RPGRIP1L: variants seen among roughly 807,000 people sequenced by gnomAD.
RPGRIP1L encodes RPGRIP1 like.
In RPGRIP1L, 131 loss-of-function variants were observed where a neutral mutation model predicts 160.4. That is an observed-to-expected ratio of 0.82 (90% confidence interval 0.71 to 0.94). RPGRIP1L has a LOEUF of 0.94. Among genes scored for constraint, RPGRIP1L ranks in the 40% least tolerant of loss-of-function variants. RPGRIP1L has a pLI of 0.00. For missense variants in RPGRIP1L, 1,522 were observed against 1,535.8 expected (o/e 0.99, Z 0.15); for synonymous variants, 510 against 515.8 (o/e 0.99, Z 0.15).
At chr16:53,602,230 G>A in intron 26 of RPGRIP1L, 42 bp from the exon 27 acceptor site, 1 of 1,386,182 alleles carries the variant, frequency 7.2e-7, no homozygotes, top group Non-Finnish European at 1.0e-6. Context: ...TCATTCAACA[G>A]ATTTTTCTTT....
chr16:53,653,034 A>T, intron 14 of RPGRIP1L, 47 bp from the exon 15 acceptor site: 1 of 1,509,474 alleles, frequency 6.6e-7, no homozygotes, highest in Non-Finnish European at 9.2e-7. Context: ...TATTGACATG[A>T]GAAAATGAAA....
intron 24 of RPGRIP1L, among the ~76,000 whole-genome samples, chr16:53,615,472 A>ATTTTTTTTT (rs1166401715): frequency 2.7e-5 from 2 of 75,080 alleles, no homozygotes; most frequent in African/African-American, 1.1e-4. Context: ...ATATATATAT[A>ATTTTTTTTT]TTTTTTTTTT....
In RPGRIP1L at chr16:53,652,723, T is replaced by C; in HGVS notation, c.1964A>G (p.Tyr655Cys). Residue 655 changes from tyrosine (Y) to cysteine (C), a missense_variant, in exon 15 of 27, where the codon TAT becomes TGT. Physicochemically the swap from Tyr to Cys is radical, Grantham distance 194. Transcript: ENST00000647211. ...AACAAGATATTGAGAAGTGAAGTTA[T>C]ATTCGGGATGAAGGCCTCGCACTAC... is the stretch of plus-strand genomic sequence containing the variant. ...TPVVRGLHPE[Y>C]NFTSQYLVHV... 5 of 1,614,180 alleles carry C rather than the reference T, an allele frequency of 3.1e-6. No homozygotes were observed. The highest frequency in any genetic ancestry group is 3.4e-6 in the Non-Finnish European group (4 of 1,180,018).
intron 9 of RPGRIP1L, among the ~76,000 whole-genome samples, chr16:53,670,027 T>C (rs150602848): frequency 1.5e-3 from 233 of 152,264 alleles, no homozygotes; most frequent in African/African-American, 5.5e-3. Context: ...ATTTGTATAC[T>C]GACATTTAAA....
In RPGRIP1L at chr16:53,652,939, G is replaced by A. The variant is rs548348340; in HGVS notation, c.1748C>T (p.Pro583Leu). 2 of 1,613,754 alleles carry A rather than the reference G, an allele frequency of 1.2e-6. No individual in the cohort carries two copies. Among genetic ancestry groups the A allele is most frequent in the African/African-American group, 2.7e-5 (2 of 75,016 alleles). The change falls in exon 15 of 27, where the codon CCA becomes CTA. Residue 583 changes from proline (P) to leucine (L), a missense_variant. Coordinates refer to ENST00000647211, the MANE Select transcript of RPGRIP1L (RefSeq NM_015272.5). ...AACAGAGTCATCTGGCATGATTTCT[G>A]GTTTAAATTTGTACTGCTTGGTGCC... is the stretch of plus-strand genomic sequence containing the variant. The part of the protein sequence containing the change: ...AYGTKQYKFK[P>L]EIMPDDSVDE...
At chr16:53,615,413 A>G (rs1964299570) in intron 24 of RPGRIP1L, among the ~76,000 whole-genome samples, 1 of 150,290 alleles carries the variant, frequency 6.7e-6, no homozygotes. Flanking sequence ...TCTGGCAAGT[A>G]AATTCAATTT....
At chr16:53,666,564 CTA>C (rs1555608901) in intron 9 of RPGRIP1L, among the ~76,000 whole-genome samples, 137 of 112,334 alleles carry the variant, frequency 1.2e-3, no homozygotes, top group African/African-American at 5.3e-3. Flanking sequence ...GTGAGTACAT[CTA>C]TGTGTGTGTG....
chr16:53,641,786 T>C (rs990019399), intron 17 of RPGRIP1L, among the ~76,000 whole-genome samples: 1 of 152,200 alleles, frequency 6.6e-6, no homozygotes, highest in East Asian at 1.9e-4. Context: ...CTTAATTCAC[T>C]GAAATTAAAT....
intron 26 of RPGRIP1L, 109 bp downstream of exon 26, chr16:53,605,372 G>A (rs776199193): frequency 1.6e-6 from 2 of 1,237,570 alleles, no homozygotes; most frequent in South Asian, 1.2e-5. Context: ...AAGGATTCAA[G>A]TAACGTGTGA....
intron 4 of RPGRIP1L, among the ~76,000 whole-genome samples, chr16:53,689,090 T>TTATA (rs200206940): frequency 6.7e-6 from 1 of 148,892 alleles, no homozygotes; most frequent in Non-Finnish European, 1.5e-5. Flanking sequence ...TATATATATG[T>TTATA]TATATATATA....
intron 10 of RPGRIP1L, chr16:53,659,580 G>T (rs1000015985): frequency 6.6e-6 from 1 of 152,168 alleles, no homozygotes; most frequent in African/African-American, 2.4e-5. Context: ...ATGCATGGTG[G>T]TATCAATAAT....
At chr16:53,660,257 T>A (rs1967660012) in intron 10 of RPGRIP1L, among the ~76,000 whole-genome samples, 1 of 152,190 alleles carries the variant, frequency 6.6e-6, no homozygotes, top group Admixed American at 6.5e-5. Flanking sequence ...ATCTAAAGTA[T>A]CTCTACCAAT....
intron 11 of RPGRIP1L, 132 bp downstream of exon 11, chr16:53,658,640 A>G: frequency 1.2e-6 from 1 of 839,170 alleles, no homozygotes; most frequent in Non-Finnish European, 2.0e-6. Flanking sequence ...AAACTACCTG[A>G]TAGCATGAGT....
In RPGRIP1L at chr16:53,655,270, T is replaced by G. The variant is rs900076910; in HGVS notation, c.1699+1202A>C. ...ATTTTTTTGTTTTGGAAAATATAACTTAAAAAAGGTACTTTAATTTATGTT... is the reference window on the plus strand; with the variant it reads ...ATTTTTTTGTTTTGGAAAATATAACGTAAAAAAGGTACTTTAATTTATGTT... On this transcript the variant is annotated intron_variant, in intron 14 of 26. Transcript: ENST00000647211. 7.9e-5 allele frequency among the ~76,000 whole-genome samples: 12 copies of G among 152,316 alleles called. 2 individuals are homozygous for G. The South Asian group carries it at 2.5e-3, about 32-fold the overall frequency.
In RPGRIP1L at chr16:53,658,833, T is replaced by G; in HGVS notation, c.1289A>C (p.Gln430Pro). ...LVQENRELQL[Q>P]YLEQKQQLDE... is the part of the protein sequence containing the mutation. Reference sequence around the variant, plus strand: ...AAGTTGTTGCTTTTGTTCCAGATACTGTAACTGTAGTTCTCTATTCTCTTG... The same window carrying G: ...AAGTTGTTGCTTTTGTTCCAGATACGGTAACTGTAGTTCTCTATTCTCTTG... The change falls in exon 11 of 27, where the codon CAG (glutamine) becomes CCG (proline). Residue 430 changes from glutamine to proline, a missense_variant. Coordinates refer to ENST00000647211, the MANE Select transcript of RPGRIP1L (RefSeq NM_015272.5). 6.2e-7 allele frequency: 1 copy of G among 1,609,042 alleles called. No individual in the cohort carries two copies.
chr16:53,686,888 A>G (rs2151320242), intron 5 of RPGRIP1L, among the ~76,000 whole-genome samples: 1 of 152,288 alleles, frequency 6.6e-6, no homozygotes, highest in Non-Finnish European at 1.5e-5. Context: ...TCTTCAGAAT[A>G]TTTATATGTC....
intron 24 of RPGRIP1L, 148 bp downstream of exon 24, chr16:53,618,877 G>A (rs992930353): frequency 1.1e-5 from 8 of 733,912 alleles, no homozygotes; most frequent in Non-Finnish European, 1.8e-5. Context: ...TTATGCTACT[G>A]GTTTGACTTT....
chr16:53,673,701 T>C (rs565218358), intron 7 of RPGRIP1L, among the ~76,000 whole-genome samples: 1 of 152,284 alleles, frequency 6.6e-6, no homozygotes, highest in Admixed American at 6.5e-5. Context: ...TGAAGTTTTT[T>C]TTCACTCATT....
At chr16:53,614,139 T>G (rs1351096714) in intron 24 of RPGRIP1L, among the ~76,000 whole-genome samples, 1 of 152,232 alleles carries the variant, frequency 6.6e-6, no homozygotes, top group African/African-American at 2.4e-5. Context: ...ATTGCTTAGA[T>G]ATACCTAGTC....
Sources: allele counts gnomAD v4.1 joint callset (sites outside exome capture counted in the v4.1 genomes callset), GRCh38; gene constraint gnomAD v4.1.1; transcripts MANE v1.5; gene names NCBI Gene and HGNC (gene_info 2026-07-23, HGNC 2026-07-21).